GASK1B: variants seen among roughly 807,000 people sequenced by gnomAD.
The protein encoded by GASK1B is golgi associated kinase 1B.
A neutral mutation model predicts 42.8 loss-of-function variants in GASK1B; 34 were observed. The ratio of observed to expected loss-of-function variants is 0.79; its 90% confidence interval spans 0.60 to 1.06. The LOEUF (loss-of-function observed/expected upper bound fraction) is 1.06, where lower values mean the gene tolerates loss of function less well. GASK1B is among the 50% of genes least tolerant of loss of function. The pLI, the probability that GASK1B is intolerant of heterozygous loss-of-function variation, is 0.00. For synonymous variants in GASK1B, 262 were observed against 259.1 expected, an observed-to-expected ratio of 1.01 and a Z score of -0.11; for missense variants, 686 against 661.0, an observed-to-expected ratio of 1.04 and a Z score of -0.42.
chr4:158,132,804 C>A (rs1252182048), intron 3 of GASK1B, among the ~76,000 whole-genome samples: 1 of 152,134 alleles, frequency 6.6e-6, no homozygotes, highest in Admixed American at 6.5e-5. Flanking sequence ...TGGTTCCAAG[C>A]CACTGATCCA....
chr4:158,129,086 T>C (rs1195297375), intron 4 of GASK1B, among the ~76,000 whole-genome samples: 2 of 152,162 alleles, frequency 1.3e-5, no homozygotes, highest in Non-Finnish European at 2.9e-5. Flanking sequence ...AGTGCATAAA[T>C]TGGGGGTTAG....
intron 3 of GASK1B, among the ~76,000 whole-genome samples, chr4:158,140,238 G>GCC (rs903663067): frequency 2.0e-5 from 3 of 152,138 alleles, no homozygotes; most frequent in African/African-American, 7.2e-5. Flanking sequence ...CAAAAACCAT[G>GCC]CCCCAAACAG....
Position 158,170,608 on chromosome 4 carries a change from A to C in GASK1B, c.768T>G (p.Ala256=). The C allele has an allele frequency of 1.2e-6, 2 of 1,613,872 alleles. No individual in the cohort carries two copies. Among genetic ancestry groups the C allele is most frequent in the Non-Finnish European group, 1.7e-6 (2 of 1,180,044 alleles). The change falls in exon 2 of 5, where the codon GCT becomes GCG. Residue 256 remains alanine (A), a synonymous_variant. Transcript: ENST00000585682. ...AGGGGCTAGGGCCACAGCGGAGCAC[A>C]GCGCCAGGTGCGCCCCCCTCCAGCA... ...LLVLEGGAPG[A]VLRCGPSPCG...
intron 2 of GASK1B, among the ~76,000 whole-genome samples, chr4:158,160,633 G>A (rs945880355): frequency 2.0e-4 from 30 of 152,112 alleles, no homozygotes; most frequent in South Asian, 6.2e-4. Context: ...TCAGTATGCC[G>A]AAGAGATGTC....
intron 3 of GASK1B, among the ~76,000 whole-genome samples, chr4:158,150,155 G>A (rs567928044): frequency 6.6e-6 from 1 of 152,012 alleles, no homozygotes; most frequent in East Asian, 1.9e-4. Flanking sequence ...TCGATCTCCT[G>A]ACCTCGTGAT....
At chr4:158,134,409 C>G (rs4691457) in intron 3 of GASK1B, among the ~76,000 whole-genome samples, 281 of 152,236 alleles carry the variant, frequency 1.8e-3, no homozygotes, top group African/African-American at 6.4e-3. Flanking sequence ...GCGTAGGTAA[C>G]TATCCTACAA....
chr4:158,153,988 A>G (rs1731659343), intron 3 of GASK1B, among the ~76,000 whole-genome samples: 1 of 152,214 alleles, frequency 6.6e-6, no homozygotes, highest in Middle Eastern at 3.4e-3. Context: ...AATTGCAGCA[A>G]CAACAACAAA....
At chr4:158,136,285 G>T (rs1274819595) in intron 3 of GASK1B, among the ~76,000 whole-genome samples, 1 of 152,066 alleles carries the variant, frequency 6.6e-6, no homozygotes, top group Non-Finnish European at 1.5e-5. Context: ...TACTCAAGAG[G>T]CTGAGACAGG....
intron 2 of GASK1B, among the ~76,000 whole-genome samples, chr4:158,163,415 A>G (rs1732104720): frequency 1.3e-5 from 2 of 152,128 alleles, no homozygotes; most frequent in Non-Finnish European, 2.9e-5. Flanking sequence ...CTAAAAATGC[A>G]AAGATTAGCC....
intron 2 of GASK1B, among the ~76,000 whole-genome samples, chr4:158,166,564 A>G (rs1017061601): frequency 1.3e-5 from 2 of 152,188 alleles, no homozygotes; most frequent in African/African-American, 4.8e-5. Flanking sequence ...AATGTTTGTA[A>G]GAGTCCCCAG....
intron 2 of GASK1B, among the ~76,000 whole-genome samples, chr4:158,163,048 C>A (rs1040955522): frequency 6.6e-6 from 1 of 152,212 alleles, no homozygotes; most frequent in Non-Finnish European, 1.5e-5. Context: ...ATGTAGGGGA[C>A]TGTTGTGACA....
intron 2 of GASK1B, among the ~76,000 whole-genome samples, chr4:158,166,921 G>A (rs1352910014): frequency 6.6e-6 from 1 of 152,122 alleles, no homozygotes; most frequent in East Asian, 1.9e-4. Context: ...CTGGAAGTTA[G>A]AAGACAAAAA....
intron 3 of GASK1B, among the ~76,000 whole-genome samples, chr4:158,150,215 G>A (rs115788588): frequency 0.017 from 2,621 of 152,142 alleles, 62 homozygotes; most frequent in African/African-American, 0.058. Context: ...GTAAGCCACC[G>A]CGCTCGGCCT....
chr4:158,144,593 C>A (rs1340135424), intron 3 of GASK1B, among the ~76,000 whole-genome samples: 2 of 152,118 alleles, frequency 1.3e-5, no homozygotes, highest in Admixed American at 1.3e-4. Flanking sequence ...ACTCTAATTA[C>A]CTCCATAAAA....
chr4:158,131,137 A>G (rs543018957), intron 3 of GASK1B, 125 bp from the exon 4 acceptor site: 15 of 737,794 alleles, frequency 2.0e-5, no homozygotes, highest in East Asian at 1.1e-4. Flanking sequence ...GGCCAGGCTC[A>G]TTTAATTAAA....
intron 4 of GASK1B, among the ~76,000 whole-genome samples, chr4:158,129,307 C>A (rs1000526037): frequency 6.6e-6 from 1 of 152,130 alleles, no homozygotes; most frequent in East Asian, 1.9e-4. Flanking sequence ...TTCAAGAAGA[C>A]CCTGCGATAT....
chr4:158,170,233 C>T (rs1368716760), intron 2 of GASK1B: 3 of 1,613,286 alleles, frequency 1.9e-6, no homozygotes, highest in East Asian at 2.2e-5. Flanking sequence ...AAAGATTATA[C>T]AGTATGGGCT....
chr4:158,171,927 A>G (rs1312383367), intron 1 of GASK1B, among the ~76,000 whole-genome samples: 1 of 152,230 alleles, frequency 6.6e-6, no homozygotes, highest in Non-Finnish European at 1.5e-5. Context: ...GACAAGTAAT[A>G]GATAATTTTT....
Position 158,127,602 on chromosome 4 carries a change from A to C in GASK1B, c.1365T>G (p.Ser455=). The part of the protein sequence containing the change: ...LLEGIKEFPA[S]AVSVLKSQHL... ...GCTGGCTCTTCAAAACAGAAACTGC[A>C]GAAGCTGGAAACCTGAAAAGATAAA... is the stretch of plus-strand genomic sequence containing the variant. Residue 455 remains serine, a synonymous_variant, in exon 5 of 5, where the codon TCT becomes TCG. Transcript: ENST00000585682. 6.2e-7 allele frequency: 1 copy of C among 1,612,724 alleles called. No homozygotes were observed. The highest frequency in any genetic ancestry group is 8.5e-7 in the Non-Finnish European group (1 of 1,179,518).
Sources: allele counts gnomAD v4.1 joint callset (sites outside exome capture counted in the v4.1 genomes callset), GRCh38; gene constraint gnomAD v4.1.1; transcripts MANE v1.5; gene names NCBI Gene and HGNC (gene_info 2026-07-23, HGNC 2026-07-21).